The following SERGEF variants were observed in gnomAD, a reference collection of about 807,000 sequenced individuals.
The protein encoded by SERGEF is secretion-regulating guanine nucleotide exchange factor.
In SERGEF, 51 loss-of-function variants were observed where a neutral mutation model predicts 50.0. That is an observed-to-expected ratio of 1.02 (90% CI 0.81 to 1.29). The LOEUF is 1.29. SERGEF is among the 50% of genes most tolerant of loss of function. The pLI, the probability that SERGEF is intolerant of heterozygous loss-of-function variation, is 0.00. For synonymous variants in SERGEF, 205 were observed against 212.4 expected (o/e 0.97, Z 0.30); for missense variants, 521 against 557.0 (o/e 0.94, Z 0.65).
chr11:17,934,283 C>G (rs575147712), intron 9 of SERGEF, among the ~76,000 whole-genome samples: 30 of 152,244 alleles, frequency 2.0e-4, no homozygotes, highest in Middle Eastern at 6.8e-3. Flanking sequence ...AAAACAAGAG[C>G]TTGCAATCGC....
At chr11:17,821,908 C>T (rs1470922546) in intron 10 of SERGEF, among the ~76,000 whole-genome samples, 1 of 152,202 alleles carries the variant, frequency 6.6e-6, no homozygotes, top group African/African-American at 2.4e-5. Context: ...GCTTCCCCCT[C>T]CTTCCACATA....
chr11:17,819,270 T>A (rs531643986), intron 10 of SERGEF, among the ~76,000 whole-genome samples: 7 of 152,310 alleles, frequency 4.6e-5, no homozygotes, highest in African/African-American at 1.7e-4. Flanking sequence ...TCTACAATAT[T>A]TGAAAACAAT....
chr11:17,946,212 A>G (rs566479886), intron 9 of SERGEF, among the ~76,000 whole-genome samples: 1 of 152,322 alleles, frequency 6.6e-6, no homozygotes, highest in East Asian at 1.9e-4. Context: ...GGTATGCAGT[A>G]GCATAGGTTT....
intron 10 of SERGEF, chr11:17,846,601 T>C (rs1565183772): frequency 2.3e-6 from 1 of 433,782 alleles, no homozygotes; most frequent in Non-Finnish European, 4.7e-6. Flanking sequence ...CATGGTTTGA[T>C]GGTCTGGTCA....
At chr11:17,980,308 G>A (rs574815410) in intron 8 of SERGEF, among the ~76,000 whole-genome samples, 7 of 152,196 alleles carry the variant, frequency 4.6e-5, no homozygotes, top group East Asian at 3.9e-4. Flanking sequence ...AAAAATAGAT[G>A]GCCACTCTCC....
intron 7 of SERGEF, among the ~76,000 whole-genome samples, chr11:17,992,006 T>C (rs1187150462): frequency 6.6e-6 from 1 of 152,150 alleles, no homozygotes; most frequent in African/African-American, 2.4e-5. Flanking sequence ...GTCAGGGCAA[T>C]GTGGGCCAAA....
At chr11:17,983,568 A>C (rs1853533342) in intron 8 of SERGEF, among the ~76,000 whole-genome samples, 1 of 152,172 alleles carries the variant, frequency 6.6e-6, no homozygotes, top group South Asian at 2.1e-4. Context: ...CACTTTCCTA[A>C]TAAGGAAATA....
intron 10 of SERGEF, among the ~76,000 whole-genome samples, chr11:17,823,179 C>T (rs1850114056): frequency 2.0e-5 from 3 of 152,022 alleles, no homozygotes; most frequent in Non-Finnish European, 1.5e-5. Flanking sequence ...GTAGGATGTC[C>T]CTCAATTGAG....
intron 9 of SERGEF, among the ~76,000 whole-genome samples, chr11:17,927,465 C>T (rs1407866735): frequency 6.6e-6 from 1 of 152,204 alleles, no homozygotes; most frequent in Non-Finnish European, 1.5e-5. Flanking sequence ...ATTTCTGCTT[C>T]TTTACATTGC....
chr11:17,973,965 T>C (rs1853310641), intron 8 of SERGEF, among the ~76,000 whole-genome samples: 2 of 152,126 alleles, frequency 1.3e-5, no homozygotes, highest in South Asian at 2.1e-4. Context: ...TCAGGAGACT[T>C]AGAGTCCCAG....
intron 8 of SERGEF, among the ~76,000 whole-genome samples, chr11:17,975,209 C>T (rs1336922144): frequency 6.6e-6 from 1 of 152,188 alleles, no homozygotes; most frequent in Non-Finnish European, 1.5e-5. Flanking sequence ...AGAGTGAGCC[C>T]ATGTCTCTTT....
chr11:17,999,423 A>AT (rs1410953253), intron 5 of SERGEF: 14 of 284,358 alleles, frequency 4.9e-5, no homozygotes, highest in Admixed American at 1.0e-4. Flanking sequence ...AAAAAGTTGA[A>AT]TTTTTTTTGA....
chr11:18,006,084 C>T (rs374121103), intron 3 of SERGEF, among the ~76,000 whole-genome samples: 11 of 152,198 alleles, frequency 7.2e-5, no homozygotes, highest in Middle Eastern at 3.2e-3. Flanking sequence ...TCTCCTTTAC[C>T]GTTAAACTCT....
At chr11:17,964,528 G>C (rs1212501504) in intron 8 of SERGEF, among the ~76,000 whole-genome samples, 1 of 152,132 alleles carries the variant, frequency 6.6e-6, no homozygotes, top group African/African-American at 2.4e-5. Context: ...GTCCAAAAAG[G>C]GAATATAATG....
chr11:17,896,852 GT>G lies in SERGEF; in HGVS notation c.1012-18609del, dbSNP rs1438615350. On this transcript the variant is annotated intron_variant, in intron 9 of 10. Transcript: ENST00000265965. ...AACGGAAGGGTAAGGGAAGGGAAGG[GT>G]AAGGGAAGGGAAGGGAAGGGAAGGG... Among the ~76,000 whole-genome samples the G allele has an allele frequency of 4.4e-3, 166 of 38,048 alleles. 27 individuals carry two copies. Among genetic ancestry groups the G allele is most frequent in the Non-Finnish European group, 7.2e-3 (137 of 18,998 alleles). The allele number at this position is 38,048 out of a possible 152,430, so 25.0% of individuals were successfully genotyped here.
At chr11:17,878,168 A>G in intron 10 of SERGEF, 40 bp downstream of exon 10, 1 of 1,465,330 alleles carries the variant, frequency 6.8e-7, no homozygotes, top group Non-Finnish European at 9.5e-7. Context: ...CTGCCACATG[A>G]TTTTCAGAAG....
chr11:17,931,731 T>C (rs1852356356), intron 9 of SERGEF, among the ~76,000 whole-genome samples: 1 of 152,146 alleles, frequency 6.6e-6, no homozygotes, highest in African/African-American at 2.4e-5. Context: ...CACTTAATAC[T>C]GGGGCTGTGG....
chr11:17,871,317 C>T (rs889971503), intron 10 of SERGEF, among the ~76,000 whole-genome samples: 23 of 151,834 alleles, frequency 1.5e-4, no homozygotes, highest in African/African-American at 2.9e-4. Flanking sequence ...AAAAATTAGC[C>T]GGGTGTGGTG....
chr11:17,924,135 G>C (rs972286965), intron 9 of SERGEF, among the ~76,000 whole-genome samples: 29 of 152,184 alleles, frequency 1.9e-4, no homozygotes, highest in African/African-American at 7.0e-4. Flanking sequence ...GGGTTAGCTA[G>C]TGAATGAATT....
Sources: allele counts gnomAD v4.1 joint callset (sites outside exome capture counted in the v4.1 genomes callset), GRCh38; gene constraint gnomAD v4.1.1; transcripts MANE v1.5; gene names NCBI Gene and HGNC (gene_info 2026-07-23, HGNC 2026-07-21).